PRKCZ: variants seen among roughly 807,000 people sequenced by gnomAD.
PRKCZ encodes protein kinase C zeta type.
Under a neutral mutation model 79.5 loss-of-function variants are expected in PRKCZ, and 33 were observed. That is an observed-to-expected ratio of 0.41 (90% CI 0.31 to 0.55). The LOEUF (loss-of-function observed/expected upper bound fraction) is 0.55. Ranked by LOEUF, PRKCZ falls within the 20% of genes least tolerant of loss-of-function variation. The probability of loss-of-function intolerance (pLI) is 0.19; values close to 1 mark genes in which losing one functional copy is unlikely to be tolerated. For synonymous variants in PRKCZ, 342 were observed against 320.9 expected, an observed-to-expected ratio of 1.07 and a Z score of -0.70; for missense variants, 578 against 813.5, an observed-to-expected ratio of 0.71 and a Z score of 3.52.
At chr1:2,083,926 C>T (rs945496262) in intron 4 of PRKCZ, among the ~76,000 whole-genome samples, 1 of 152,154 alleles carries the variant, frequency 6.6e-6, no homozygotes, top group Admixed American at 6.5e-5. Context: ...CTTACGCGTG[C>T]GTGTGTTTTA....
intron 4 of PRKCZ, chr1:2,073,500 T>A: frequency 2.0e-6 from 1 of 487,806 alleles, no homozygotes; most frequent in Non-Finnish European, 2.7e-6. Context: ...CTTAGCTGGG[T>A]TCTGTTCTGA....
intron 4 of PRKCZ, among the ~76,000 whole-genome samples, chr1:2,119,794 T>TG (rs1671490068): frequency 6.7e-6 from 1 of 149,406 alleles, no homozygotes; most frequent in Non-Finnish European, 1.5e-5. Context: ...CTTTTCTTTT[T>TG]TTTTTTTTTG....
At chr1:2,180,602 G>A (rs1234452238) in intron 16 of PRKCZ, among the ~76,000 whole-genome samples, 1 of 151,642 alleles carries the variant, frequency 6.6e-6, no homozygotes, top group African/African-American at 2.4e-5. Flanking sequence ...CGACGTGGAC[G>A]CACGGATGAC....
intron 2 of PRKCZ, among the ~76,000 whole-genome samples, chr1:2,056,036 G>A (rs1660125715): frequency 6.6e-6 from 1 of 152,244 alleles, no homozygotes; most frequent in Admixed American, 6.5e-5. Flanking sequence ...CCAGGGACTG[G>A]CGGGCAGCTC....
intron 4 of PRKCZ, among the ~76,000 whole-genome samples, chr1:2,129,767 C>T (rs1375637601): frequency 6.6e-6 from 1 of 152,156 alleles, no homozygotes; most frequent in Non-Finnish European, 1.5e-5. Context: ...TCCTCTCAGC[C>T]TCCATAGGCG....
In PRKCZ at chr1:2,181,829, C is replaced by T. The variant is rs78769807; in HGVS notation, c.1576-2754C>T. On this transcript the variant is annotated intron_variant, in intron 16 of 17. Coordinates refer to ENST00000378567, the MANE Select transcript of PRKCZ (RefSeq NM_002744.6). ...ATGCCCCTTTTTCACATTTTATCGGCAGGTGTTTCATACAAAGAATACAAG... is the reference window on the plus strand; with the variant it reads ...ATGCCCCTTTTTCACATTTTATCGGTAGGTGTTTCATACAAAGAATACAAG... 2.6e-3 allele frequency: 1,204 copies of T among 456,146 alleles called. 24 individuals are homozygous for T. In the East Asian group the frequency reaches 0.069, roughly 26 times the overall value. 28.3% of individuals were successfully genotyped at this position (456,146 alleles called of 1,614,324 possible).
rs577625422 is a variant in PRKCZ at position 2,073,789 on chromosome 1, C to G, written c.334+14198C>G. ...CCGTTAAATATCTGCTCCTCGCGCT[C>G]GAGCCTCCCTGCCTATTGTCGGGGC... On this transcript the variant is annotated intron_variant, in intron 4 of 17. Coordinates refer to ENST00000378567, the MANE Select transcript of PRKCZ (RefSeq NM_002744.6). The G allele has an allele frequency of 1.6e-4, 168 of 1,020,012 alleles. 7 individuals carry two copies. In the South Asian group the frequency reaches 5.6e-3, roughly 34 times the overall value. The allele number at this position is 1,020,012 out of a possible 1,614,324, so 63.2% of individuals were successfully genotyped here. A position where few individuals can be genotyped will look rare whatever the true frequency, so the allele number is the denominator to read the frequency against.
intron 16 of PRKCZ, chr1:2,182,161 C>T (rs1036719673): frequency 2.6e-5 from 6 of 229,924 alleles, no homozygotes; most frequent in Middle Eastern, 4.5e-4. Context: ...TCCCAAAAGC[C>T]TATGAGGGTT....
At chr1:2,166,490 C>T (rs1440813405) in intron 10 of PRKCZ, among the ~76,000 whole-genome samples, 1 of 152,204 alleles carries the variant, frequency 6.6e-6, no homozygotes, top group Non-Finnish European at 1.5e-5. Flanking sequence ...CTGCTTGCTC[C>T]TCTCCCCTTG....
chr1:2,181,542 G>A (rs1686614402), intron 16 of PRKCZ, among the ~76,000 whole-genome samples: 1 of 152,230 alleles, frequency 6.6e-6, no homozygotes, highest in Non-Finnish European at 1.5e-5. Flanking sequence ...AGGCACCATG[G>A]GTCCCGACCT....
chr1:2,108,424 G>C (rs1441274482), intron 4 of PRKCZ, among the ~76,000 whole-genome samples: 1 of 152,248 alleles, frequency 6.6e-6, no homozygotes, highest in Non-Finnish European at 1.5e-5. Context: ...GTGAGTGAGA[G>C]GCACAGCCTG....
intron 1 of PRKCZ, among the ~76,000 whole-genome samples, chr1:2,054,041 C>G (rs28602699): frequency 0.014 from 2,097 of 152,264 alleles, 41 homozygotes; most frequent in African/African-American, 0.047. Flanking sequence ...CAGGTGGGCC[C>G]TGGGCTGCTG....
rs532029243 is a variant in PRKCZ, at chr1:2,091,513, G to A, written c.334+31922G>A. Among the ~76,000 whole-genome samples the A allele has an allele frequency of 2.6e-5, 4 of 152,162 alleles. No individual in the cohort carries two copies. The East Asian group carries it at 5.8e-4, about 22-fold the overall frequency. ...CAGCACACAGGAGTTACGATGTCTCGCCGTCCTCGCTGACACTCCCGACTT... is the reference window on the plus strand; with the variant it reads ...CAGCACACAGGAGTTACGATGTCTCACCGTCCTCGCTGACACTCCCGACTT... On this transcript the variant is annotated intron_variant, in intron 4 of 17. Transcript: ENST00000378567.
chr1:2,154,157 G>A (rs1273588667), intron 9 of PRKCZ, among the ~76,000 whole-genome samples: 1 of 152,208 alleles, frequency 6.6e-6, no homozygotes, highest in Non-Finnish European at 1.5e-5. Context: ...GAGGGGTGGA[G>A]GAGTCACCGC....
chr1:2,090,495 C>T (rs1665302774), intron 4 of PRKCZ, among the ~76,000 whole-genome samples: 1 of 152,232 alleles, frequency 6.6e-6, no homozygotes. Flanking sequence ...GCCCCCCAGC[C>T]CCCTCACCCT....
rs998601590 is a variant in PRKCZ at position 2,173,877 on chromosome 1, G to A, written c.1286-20G>A. On this transcript the variant is annotated intron_variant, in intron 13 of 17. Transcript: ENST00000378567. This position sits in a 1 kb window ranked among gnomAD's most constrained non-coding sequence, Gnocchi z 5.7. ...GGCCCATGTGGCCCCACTCGGTGAT[G>A]GCTGTGTGCTCTCCCCCAGGGTTCA... 2.5e-6 allele frequency: 4 copies of A among 1,572,974 alleles called. No homozygotes were observed. Among genetic ancestry groups the A allele is most frequent in the Non-Finnish European group, 3.5e-6 (4 of 1,156,630 alleles).
chr1:2,098,649 TTTTG>T (rs1250793521), intron 4 of PRKCZ: 5 of 147,518 alleles, frequency 3.4e-5, no homozygotes, highest in African/African-American at 9.9e-5. Context: ...AGTGATGGTT[TTTTG>T]TTTGTTTTCG....
At chr1:2,126,901 T>A (rs1284458664) in intron 4 of PRKCZ, among the ~76,000 whole-genome samples, 1 of 152,186 alleles carries the variant, frequency 6.6e-6, no homozygotes, top group Non-Finnish European at 1.5e-5. Flanking sequence ...GACACCCTGA[T>A]ACCCATTGTG....
chr1:2,179,512 C>T (rs1686125553), intron 16 of PRKCZ, among the ~76,000 whole-genome samples: 1 of 152,232 alleles, frequency 6.6e-6, no homozygotes, highest in African/African-American at 2.4e-5. Context: ...AGCATGGTCC[C>T]AGCTCCCCAC....
Sources: allele counts gnomAD v4.1 joint callset (sites outside exome capture counted in the v4.1 genomes callset), GRCh38; gene constraint gnomAD v4.1.1; non-coding constraint Gnocchi (gnomAD v3.1); transcripts MANE v1.5; gene names NCBI Gene and HGNC (gene_info 2026-07-23, HGNC 2026-07-21).